Variants in ODAD2 observed in about 807,000 individuals in gnomAD.
ODAD2 encodes the protein outer dynein arm-docking complex subunit 2.
A neutral mutation model predicts 106.8 loss-of-function variants in ODAD2; 89 were observed. The ratio of observed to expected loss-of-function variants is 0.83; its 90% CI spans 0.70 to 0.99. The LOEUF (loss-of-function observed/expected upper bound fraction) is 0.99, where lower values mean the gene tolerates loss of function less well. Among genes scored for constraint, ODAD2 ranks in the 50% least tolerant of loss-of-function variants. ODAD2 has a pLI of 0.00. For synonymous variants in ODAD2, 404 were observed against 436.2 expected, an observed-to-expected ratio of 0.93 and a Z score of 0.92; for missense variants, 1,168 against 1,238.5, an observed-to-expected ratio of 0.94 and a Z score of 0.85.
At chr10:27,904,399 C>A (rs1246526796) in intron 17 of ODAD2, 2 of 168,858 alleles carry the variant, frequency 1.2e-5, no homozygotes, top group East Asian at 3.4e-4. Context: ...TTGCTTAAGC[C>A]CAGCAGGTGG....
rs1848160140 is a variant in ODAD2, at chr10:27,961,779, A to G, written c.1239-64T>C. The G allele has an allele frequency of 3.5e-6, 5 of 1,429,422 alleles. No homozygotes were observed. In the South Asian group the frequency reaches 4.0e-5, roughly 11 times the overall value. 88.5% of individuals were successfully genotyped at this position (1,429,422 alleles called of 1,614,324 possible). On this transcript the variant is annotated intron_variant, in intron 9 of 19. Coordinates refer to ENST00000305242, the MANE Select transcript of ODAD2 (RefSeq NM_018076.5). ...AGTGTGGAGATCTATTAAGACCTAC[A>G]TGGGGCCAGGTGCAGTGGCTCATGC...
chr10:27,944,413 G>C lies in ODAD2; in HGVS notation c.1552C>G (p.Leu518Val). 6.2e-7 allele frequency: 1 copy of C among 1,613,480 alleles called. No individual in the cohort carries two copies. Among genetic ancestry groups the C allele is most frequent in the Admixed American group, 1.7e-5 (1 of 59,996 alleles). Residue 518 changes from leucine to valine, a missense_variant, in exon 12 of 20, where the codon CTG (leucine) becomes GTG (valine). Leu to Val is a conservative substitution (Grantham distance 32, BLOSUM62 1). Coordinates refer to ENST00000305242, the MANE Select transcript of ODAD2 (RefSeq NM_018076.5). ...VKCKIGSLKILKEISHNPQIR... is the reference protein window; with the variant it reads ...VKCKIGSLKIVKEISHNPQIR... ...TGAGGATTATGACTGATTTCCTTCAGTATTTTTAATGAACCAATCTGTGTG... is the reference window on the plus strand; with the variant it reads ...TGAGGATTATGACTGATTTCCTTCACTATTTTTAATGAACCAATCTGTGTG...
At chr10:27,949,737 G>A (rs76612016) in intron 10 of ODAD2, among the ~76,000 whole-genome samples, 1,967 of 152,262 alleles carry the variant, frequency 0.013, 24 homozygotes, top group South Asian at 0.024. Context: ...CACTCTGGCT[G>A]CAGAGGCCGC....
rs569972484 is a variant in ODAD2 at position 27,888,455 on chromosome 10, A to G, written c.2610+19208T>C. Among the ~76,000 whole-genome samples, 125 of 152,196 alleles carry G rather than the reference A, an allele frequency of 8.2e-4. 1 individual carries two copies. Among genetic ancestry groups the G allele is most frequent in the African/African-American group, 2.9e-3 (121 of 41,568 alleles). On this transcript the variant is annotated intron_variant, in intron 17 of 19. Coordinates refer to ENST00000305242, the MANE Select transcript of ODAD2 (RefSeq NM_018076.5). ...GCAGTTTTTCATATTCCTGTTGGCT[A>G]TTTGTACGTCTTCTTTTGAAAAATG...
chr10:27,832,497 C>A (rs1210615089), intron 19 of ODAD2, among the ~76,000 whole-genome samples: 1 of 152,066 alleles, frequency 6.6e-6, no homozygotes, highest in Non-Finnish European at 1.5e-5. Flanking sequence ...TCCACAAGCT[C>A]AACTTTCCCC....
chr10:27,852,401 A>T (rs1233716746), intron 19 of ODAD2, among the ~76,000 whole-genome samples: 1 of 152,230 alleles, frequency 6.6e-6, no homozygotes, highest in Non-Finnish European at 1.5e-5. Context: ...GGAGGGCAAA[A>T]ATGGAAGCAT....
At chr10:27,901,142 G>C (rs1261579841) in intron 17 of ODAD2, among the ~76,000 whole-genome samples, 7 of 152,318 alleles carry the variant, frequency 4.6e-5, no homozygotes, top group Non-Finnish European at 1.0e-4. Flanking sequence ...AGCCAAAAGA[G>C]AGTGGGGGCC....
chr10:27,983,623 C>A (rs929241682), intron 6 of ODAD2, among the ~76,000 whole-genome samples: 3 of 152,158 alleles, frequency 2.0e-5, no homozygotes, highest in Non-Finnish European at 4.4e-5. Context: ...CTTTGAAGCC[C>A]ATTTCTTATC....
chr10:27,871,912 T>G (rs556614723), intron 17 of ODAD2, among the ~76,000 whole-genome samples: 1 of 152,298 alleles, frequency 6.6e-6, no homozygotes, highest in East Asian at 1.9e-4. Context: ...GGTAGTTTCA[T>G]GGAGATGGTA....
chr10:27,872,360 C>G (rs1312244807), intron 17 of ODAD2, among the ~76,000 whole-genome samples: 1 of 151,818 alleles, frequency 6.6e-6, no homozygotes, highest in Non-Finnish European at 1.5e-5. Flanking sequence ...TTTCTCCTGC[C>G]TGATTGCCCT....
intron 17 of ODAD2, among the ~76,000 whole-genome samples, chr10:27,875,722 G>A (rs776117818): frequency 1.3e-5 from 2 of 152,130 alleles, no homozygotes; most frequent in African/African-American, 4.8e-5. Context: ...GCAGCCCACC[G>A]AGCATGAGCC....
At chr10:27,908,009 T>C (rs1639582965) in intron 16 of ODAD2, among the ~76,000 whole-genome samples, 1 of 152,138 alleles carries the variant, frequency 6.6e-6, no homozygotes, top group Admixed American at 6.6e-5. Context: ...ATGATTACGA[T>C]TCACATAAAC....
At chr10:27,897,658 T>C (rs2133771724) in intron 17 of ODAD2, among the ~76,000 whole-genome samples, 1 of 152,310 alleles carries the variant, frequency 6.6e-6, no homozygotes, top group Admixed American at 6.5e-5. Flanking sequence ...TGTCACTTTC[T>C]TGTTGACGAT....
intron 2 of ODAD2, 100 bp downstream of exon 2, chr10:27,994,819 G>A: frequency 7.7e-7 from 1 of 1,298,280 alleles, no homozygotes. Context: ...GGGCTTCTGA[G>A]GTTCAGAGAG....
chr10:27,980,266 G>T (rs1849462611), intron 7 of ODAD2, among the ~76,000 whole-genome samples: 1 of 152,004 alleles, frequency 6.6e-6, no homozygotes, highest in Admixed American at 6.5e-5. Flanking sequence ...ATTTGGCAAT[G>T]GTTTCTTAAA....
At chr10:27,935,748 A>C (rs1032897847) in intron 15 of ODAD2, among the ~76,000 whole-genome samples, 1 of 151,008 alleles carries the variant, frequency 6.6e-6, no homozygotes, top group African/African-American at 2.4e-5. Flanking sequence ...TTAACCACTA[A>C]TACATTTTAC....
intron 19 of ODAD2, chr10:27,813,506 T>A (rs769055222): frequency 6.6e-5 from 10 of 152,224 alleles, no homozygotes; most frequent in Non-Finnish European, 1.3e-4. Flanking sequence ...ATTTAAAATC[T>A]AGCAATTATG....
chr10:27,960,332 ATTATTATTAT>A (rs1275860465), intron 10 of ODAD2, among the ~76,000 whole-genome samples: 2 of 127,646 alleles, frequency 1.6e-5, no homozygotes, highest in Non-Finnish European at 3.4e-5. Flanking sequence ...TATTATTATT[ATTATTATTAT>A]TATTATTATT....
chr10:27,890,812 C>A (rs1035277666), intron 17 of ODAD2, among the ~76,000 whole-genome samples: 1 of 151,340 alleles, frequency 6.6e-6, no homozygotes, highest in African/African-American at 2.4e-5. Flanking sequence ...TTACTCTAAT[C>A]TTTTAGGATT....
Sources: gnomAD v4.1 joint callset for allele counts (sites outside exome capture counted in the v4.1 genomes callset) on GRCh38, gnomAD v4.1.1 for gene constraint, MANE v1.5 for transcripts, NCBI Gene and HGNC (gene_info 2026-07-23, HGNC 2026-07-21) for gene names.